Variants in PHF20 observed in about 807,000 individuals in gnomAD.
PHF20 encodes glioma-expressed antigen 2.
PHF20 carries 23 observed loss-of-function variants against 113.5 expected under a neutral mutation model. That is an observed-to-expected ratio of 0.20 (90% confidence interval 0.15 to 0.29). The LOEUF (loss-of-function observed/expected upper bound fraction) is 0.29, where lower values mean the gene tolerates loss of function less well. PHF20 is among the 10% of genes least tolerant of loss of function. PHF20 has a pLI of 1.00. For missense variants in PHF20, 943 were observed against 1,219.6 expected (o/e 0.77, Z 3.38); for synonymous variants, 434 against 457.3 (o/e 0.95, Z 0.65).
intron 10 of PHF20, among the ~76,000 whole-genome samples, chr20:35,908,857 G>A (rs1349431710): frequency 3.9e-5 from 6 of 152,306 alleles, no homozygotes; most frequent in South Asian, 4.2e-4. Context: ...ATATAGAAAA[G>A]CAATAGATTG....
At chr20:35,805,152 A>G (rs733609) in intron 2 of PHF20, among the ~76,000 whole-genome samples, 3 of 151,192 alleles carry the variant, frequency 2.0e-5, no homozygotes, top group Non-Finnish European at 2.9e-5. Context: ...GATCTGCCCA[A>G]CTCGGCCTCC....
At chr20:35,947,346 C>A in intron 17 of PHF20, 139 bp from the exon 18 acceptor site, 1 of 756,058 alleles carries the variant, frequency 1.3e-6, no homozygotes, top group Admixed American at 2.6e-5. Flanking sequence ...GCCCTTCCTC[C>A]CTTGCCCCAT....
chr20:35,819,053 C>T (rs556376058), intron 2 of PHF20, among the ~76,000 whole-genome samples: 5 of 152,170 alleles, frequency 3.3e-5, no homozygotes, highest in Middle Eastern at 3.4e-3. Context: ...GCTTCAGCCT[C>T]CTGTGTAGCT....
At chr20:35,945,891 T>C (rs2056075591) in intron 17 of PHF20, among the ~76,000 whole-genome samples, 1 of 152,146 alleles carries the variant, frequency 6.6e-6, no homozygotes, top group African/African-American at 2.4e-5. Context: ...AAAGGGGTCC[T>C]GCATGGTGGT....
intron 2 of PHF20, among the ~76,000 whole-genome samples, chr20:35,829,935 A>G (rs2042330111): frequency 6.8e-6 from 1 of 146,604 alleles, no homozygotes; most frequent in Non-Finnish European, 1.5e-5. Flanking sequence ...TTTTTTTGAG[A>G]TGGAGTTTCG....
At chr20:35,820,793 G>C (rs1423896221) in intron 2 of PHF20, among the ~76,000 whole-genome samples, 1 of 151,722 alleles carries the variant, frequency 6.6e-6, no homozygotes, top group Non-Finnish European at 1.5e-5. Flanking sequence ...ATGTGTGTAT[G>C]TGTTTTGCTT....
intron 9 of PHF20, among the ~76,000 whole-genome samples, chr20:35,882,036 C>A (rs1417556818): frequency 6.6e-6 from 1 of 152,228 alleles, no homozygotes; most frequent in East Asian, 1.9e-4. Context: ...TAAATGTCAT[C>A]TTGAAATAGA....
intron 2 of PHF20, among the ~76,000 whole-genome samples, chr20:35,821,467 A>G (rs1218284703): frequency 1.3e-5 from 2 of 150,414 alleles, no homozygotes; most frequent in Admixed American, 6.7e-5. Context: ...CCTAGGCAAT[A>G]TAGCAAAACG....
chr20:35,819,210 C>T (rs1281457919), intron 2 of PHF20, among the ~76,000 whole-genome samples: 1 of 152,104 alleles, frequency 6.6e-6, no homozygotes, highest in Non-Finnish European at 1.5e-5. Flanking sequence ...GGATTACAGG[C>T]GTGAACCACT....
intron 1 of PHF20, among the ~76,000 whole-genome samples, chr20:35,798,461 C>CA (rs1555917117): frequency 1.6e-3 from 229 of 143,616 alleles, no homozygotes; most frequent in Non-Finnish European, 2.9e-3. Context: ...CTTTTCTTTT[C>CA]TTTTTTTTTT....
At chr20:35,829,323 G>A (rs1466209555) in intron 2 of PHF20, among the ~76,000 whole-genome samples, 2 of 152,004 alleles carry the variant, frequency 1.3e-5, no homozygotes, top group African/African-American at 4.8e-5. Flanking sequence ...ACCATTACCA[G>A]CCTACTTCTC....
At chr20:35,935,999 G>A (rs2055856788) in intron 15 of PHF20, among the ~76,000 whole-genome samples, 1 of 152,250 alleles carries the variant, frequency 6.6e-6, no homozygotes, top group Admixed American at 6.5e-5. Flanking sequence ...CTGGATGGCT[G>A]TGCTTACCTT....
At position 35,792,273 on chromosome 20, in the gene PHF20, C is replaced by T. The variant is rs192024517; in HGVS notation, c.-32-9218C>T. On this transcript the variant is annotated intron_variant, in intron 1 of 17. Coordinates refer to ENST00000374012, the MANE Select transcript of PHF20 (RefSeq NM_016436.5). The stretch of plus-strand genomic sequence containing the variant: ...CTCGATCTTGGCTCATTGCAACCTC[C>T]ACCTTCTGGGCTCAAGCAATTCTCC... 3.5e-4 allele frequency among the ~76,000 whole-genome samples: 54 copies of T among 152,136 alleles called. 1 individual carries two copies. Among genetic ancestry groups the T allele is most frequent in the Non-Finnish European group, 6.6e-4 (45 of 67,980 alleles).
chr20:35,900,226 G>A (rs754133959), intron 10 of PHF20, among the ~76,000 whole-genome samples: 32 of 152,246 alleles, frequency 2.1e-4, no homozygotes, highest in Middle Eastern at 3.4e-3. Flanking sequence ...TACAGAAATT[G>A]AAAAATTACA....
intron 10 of PHF20, among the ~76,000 whole-genome samples, chr20:35,909,084 A>G (rs995485033): frequency 6.6e-6 from 1 of 152,036 alleles, no homozygotes; most frequent in African/African-American, 2.4e-5. Context: ...GTAGAGAGAG[A>G]GGCACCTTGC....
chr20:35,913,492 A>G (rs1157256372), intron 11 of PHF20, 145 bp downstream of exon 11: 4 of 680,402 alleles, frequency 5.9e-6, no homozygotes, highest in Admixed American at 2.4e-5. Flanking sequence ...TCAACCTAGT[A>G]TGGGCCCTGG....
chr20:35,942,750 G>A lies in PHF20; in HGVS notation c.2896+1703G>A, dbSNP rs183209017. ...ATTTAGGTAAACAGACTTTTGCATA[G>A]TATTTAAGATTAATCAAAATCCCTT... On this transcript the variant is annotated intron_variant, in intron 17 of 17. Coordinates refer to ENST00000374012, the MANE Select transcript of PHF20 (RefSeq NM_016436.5). Among the ~76,000 whole-genome samples the A allele has an allele frequency of 3.3e-5, 5 of 152,226 alleles. No individual in the cohort carries two copies. In the East Asian group the frequency reaches 9.6e-4, roughly 29 times the overall value.
At chr20:35,841,487 T>C (rs2042534638) in intron 2 of PHF20, among the ~76,000 whole-genome samples, 1 of 151,918 alleles carries the variant, frequency 6.6e-6, no homozygotes, top group African/African-American at 2.4e-5. Context: ...CCGCGTAGTA[T>C]AAGGCTGGGC....
chr20:35,777,181 CAAG>C (rs1272995238), intron 1 of PHF20, among the ~76,000 whole-genome samples: 3 of 152,174 alleles, frequency 2.0e-5, no homozygotes, highest in African/African-American at 4.8e-5. Context: ...TCTGCCTTAC[CAAG>C]AAGGAGTCTG....
Sources: allele counts gnomAD v4.1 joint callset (sites outside exome capture counted in the v4.1 genomes callset), GRCh38; gene constraint gnomAD v4.1.1; transcripts MANE v1.5; gene names NCBI Gene and HGNC (gene_info 2026-07-23, HGNC 2026-07-21).